KIF3C: variants seen among roughly 807,000 people sequenced by gnomAD.
KIF3C encodes the protein kinesin family member 3C.
In KIF3C, 12 loss-of-function variants were observed where a neutral mutation model predicts 67.7. The observed-to-expected ratio is 0.18, with a 90% CI of 0.11 to 0.29. The LOEUF is 0.29. KIF3C is among the 10% of genes least tolerant of loss of function. The pLI is 1.00. For synonymous variants in KIF3C, 393 were observed against 426.2 expected, an observed-to-expected ratio of 0.92 and a Z score of 0.96; for missense variants, 789 against 1,059.6, an observed-to-expected ratio of 0.74 and a Z score of 3.55.
rs1019322838 is a variant in KIF3C at position 25,927,287 on chromosome 2, T to G, written c.*1691A>C. The G allele has an allele frequency of 1.3e-5, 2 of 152,688 alleles. No individual in the cohort carries two copies. Among genetic ancestry groups the G allele is most frequent in the Non-Finnish European group, 2.9e-5 (2 of 68,072 alleles). The allele number at this position is 152,688 out of a possible 1,614,324, so 9.5% of individuals were successfully genotyped here. On this transcript the variant is annotated 3_prime_UTR_variant, in exon 8 of 8. Transcript: ENST00000264712. ...CTCAACGCAGCCCTGGAGGTCCCCC[T>G]GCGCTCAGGCCACCTGGTGAATTTC...
intron 5 of KIF3C, among the ~76,000 whole-genome samples, chr2:25,947,392 T>C (rs952263611): frequency 6.6e-5 from 10 of 151,836 alleles, no homozygotes; most frequent in Admixed American, 1.3e-4. Context: ...CCATCCTGGC[T>C]AACATGGTGA....
At chr2:25,956,087 G>C (rs1663800420) in intron 2 of KIF3C, among the ~76,000 whole-genome samples, 1 of 152,214 alleles carries the variant, frequency 6.6e-6, no homozygotes, top group African/African-American at 2.4e-5. Flanking sequence ...GGAAGGCCCA[G>C]GAATTAGTAC....
intron 5 of KIF3C, among the ~76,000 whole-genome samples, chr2:25,930,466 C>G (rs893539837): frequency 5.3e-5 from 8 of 152,210 alleles, no homozygotes; most frequent in Non-Finnish European, 2.9e-5. Flanking sequence ...TCAAGCAATT[C>G]TCCTGCGTCA....
intron 2 of KIF3C, 124 bp downstream of exon 2, chr2:25,956,219 G>T: frequency 1.3e-6 from 1 of 742,460 alleles, no homozygotes; most frequent in Non-Finnish European, 2.3e-6. Context: ...AGGGTGGCAT[G>T]TCTGAGATTC....
intron 1 of KIF3C, among the ~76,000 whole-genome samples, chr2:25,975,998 G>A (rs1419836992): frequency 6.6e-6 from 1 of 152,034 alleles, no homozygotes; most frequent in East Asian, 1.9e-4. Flanking sequence ...TTCTTGGAGG[G>A]TGCTCATGTG....
intron 1 of KIF3C, among the ~76,000 whole-genome samples, chr2:25,971,271 C>CAAAA (rs35420433): frequency 1.7e-5 from 1 of 59,164 alleles, no homozygotes; most frequent in African/African-American, 5.4e-5. Context: ...GACTCTGTCT[C>CAAAA]AAAAAAAAAA....
chr2:25,948,030 C>T (rs1663492094), intron 5 of KIF3C, among the ~76,000 whole-genome samples: 1 of 152,164 alleles, frequency 6.6e-6, no homozygotes, highest in Non-Finnish European at 1.5e-5. Context: ...GCATGAACAC[C>T]TGGTGGAAGA....
chr2:25,977,281 CTA>C (rs1248825314), intron 1 of KIF3C, among the ~76,000 whole-genome samples: 1 of 152,094 alleles, frequency 6.6e-6, no homozygotes, highest in Non-Finnish European at 1.5e-5. Flanking sequence ...GCGAGACAGA[CTA>C]TGAGATGAGT....
Position 25,958,360 on chromosome 2 carries a change from C to T in KIF3C, c.1546-1916G>A, listed in dbSNP as rs984328611. The stretch of plus-strand genomic sequence containing the variant: ...CTTTGGGAAGTTGAGGTGGGCGGAT[C>T]ATCTGAGGTCAGGAGTTCGATACCA... On this transcript the variant is annotated intron_variant, in intron 1 of 7. Transcript: ENST00000264712. The surrounding 1 kb of genome is among the most constrained non-coding windows in gnomAD (Gnocchi z 4.5). 2.0e-5 allele frequency among the ~76,000 whole-genome samples: 3 copies of T among 152,140 alleles called. No individual in the cohort carries two copies. Among genetic ancestry groups the T allele is most frequent in the African/African-American group, 7.2e-5 (3 of 41,428 alleles).
chr2:25,952,561 ATATT>A (rs1256870763), intron 4 of KIF3C, among the ~76,000 whole-genome samples: 65 of 86,244 alleles, frequency 7.5e-4, no homozygotes, highest in South Asian at 5.3e-3. Flanking sequence ...ATATATATAT[ATATT>A]TTTTTTTTTT....
At chr2:25,946,747 G>A (rs148274840) in intron 5 of KIF3C, among the ~76,000 whole-genome samples, 1 of 151,686 alleles carries the variant, frequency 6.6e-6, no homozygotes, top group South Asian at 2.1e-4. Flanking sequence ...CTAGCTACTC[G>A]GGAGGCTGAA....
At chr2:25,963,259 G>A (rs1188488596) in intron 1 of KIF3C, among the ~76,000 whole-genome samples, 1 of 125,666 alleles carries the variant, frequency 8.0e-6, no homozygotes, top group African/African-American at 3.1e-5. Context: ...AGGCTGGAGT[G>A]CAGTGGTGCA....
At chr2:25,937,071 T>C (rs6546620) in intron 5 of KIF3C, among the ~76,000 whole-genome samples, 106,489 of 152,140 alleles carry the variant, frequency 0.7, 38,926 homozygotes, top group Non-Finnish European at 0.81. Flanking sequence ...ACAGTACACC[T>C]GCCACAGGGC....
intron 5 of KIF3C, among the ~76,000 whole-genome samples, chr2:25,946,685 T>C (rs888105272): frequency 2.0e-5 from 3 of 151,814 alleles, no homozygotes; most frequent in Non-Finnish European, 4.4e-5. Flanking sequence ...AGACTCCATC[T>C]CAAAAACAAA....
intron 4 of KIF3C, chr2:25,953,982 A>T (rs554388373): frequency 2.2e-4 from 71 of 324,538 alleles, no homozygotes; most frequent in African/African-American, 3.0e-4. Flanking sequence ...AATAATTTTT[A>T]AAAAATTTAA....
chr2:25,962,749 T>C (rs1461791087), intron 1 of KIF3C, among the ~76,000 whole-genome samples: 3 of 114,006 alleles, frequency 2.6e-5, no homozygotes. Context: ...CTAATATATA[T>C]ATAATATAAT....
At chr2:25,967,222 A>G (rs1375572383) in intron 1 of KIF3C, among the ~76,000 whole-genome samples, 1 of 152,094 alleles carries the variant, frequency 6.6e-6, no homozygotes, top group Non-Finnish European at 1.5e-5. Context: ...GGTCTCTGAG[A>G]TAAGTGGGTT....
intron 1 of KIF3C, among the ~76,000 whole-genome samples, chr2:25,960,816 G>T (rs1391439109): frequency 6.6e-6 from 1 of 152,152 alleles, no homozygotes; most frequent in Non-Finnish European, 1.5e-5. Context: ...TGGGCCTGTG[G>T]TCCCAGCTAC....
chr2:25,933,969 T>C (rs937221585), intron 5 of KIF3C: 2 of 309,126 alleles, frequency 6.5e-6, no homozygotes, highest in Non-Finnish European at 1.3e-5. Context: ...ATTACCGAAA[T>C]GTCCACCAAC....
Sources: gnomAD v4.1 joint callset for allele counts (sites outside exome capture counted in the v4.1 genomes callset) on GRCh38, gnomAD v4.1.1 for gene constraint, Gnocchi (gnomAD v3.1) non-coding constraint, MANE v1.5 for transcripts, NCBI Gene and HGNC (gene_info 2026-07-23, HGNC 2026-07-21) for gene names.